Variants in CAND1 observed in about 807,000 individuals in gnomAD.
The protein encoded by CAND1 is cullin-associated NEDD8-dissociated protein 1.
A neutral mutation model predicts 108.5 loss-of-function variants in CAND1; 7 were observed. That is an observed-to-expected ratio of 0.06 (90% CI 0.04 to 0.12). CAND1 has a LOEUF of 0.12. CAND1 is among the 10% of genes least tolerant of loss of function. The pLI, the probability that CAND1 is intolerant of heterozygous loss-of-function variation, is 1.00. For missense variants in CAND1, 941 were observed against 1,448.7 expected, an observed-to-expected ratio of 0.65 and a Z score of 5.69; for synonymous variants, 534 against 512.0, an observed-to-expected ratio of 1.04 and a Z score of -0.58.
At chr12:67,307,895 C>T in intron 11 of CAND1, among the ~76,000 whole-genome samples, 1 of 151,626 alleles carries the variant, frequency 6.6e-6, no homozygotes. Flanking sequence ...ACTTCTAACA[C>T]CCAAGGAGAT....
chr12:67,275,935 T>G (rs1041050040), intron 1 of CAND1, among the ~76,000 whole-genome samples: 25 of 152,332 alleles, frequency 1.6e-4, no homozygotes, highest in African/African-American at 5.8e-4. Context: ...AACATTTATC[T>G]TTTTCTTTTC....
chr12:67,292,531 C>G (rs1328095980), intron 2 of CAND1, 91 bp from the exon 3 acceptor site: 1 of 832,634 alleles, frequency 1.2e-6, no homozygotes, highest in Non-Finnish European at 1.8e-6. Flanking sequence ...CTTGAAAGTT[C>G]TAGGCGGAAA....
chr12:67,277,455 A>T (rs933863121), intron 1 of CAND1, among the ~76,000 whole-genome samples: 2 of 152,224 alleles, frequency 1.3e-5, no homozygotes, highest in African/African-American at 4.8e-5. Flanking sequence ...GGCACATTAT[A>T]GCCTTCTTGC....
chr12:67,293,570 A>G (rs1592613924), intron 3 of CAND1, among the ~76,000 whole-genome samples: 1 of 152,118 alleles, frequency 6.6e-6, no homozygotes, highest in Non-Finnish European at 1.5e-5. Flanking sequence ...CCTGACCAAC[A>G]TGGAGAAACC....
chr12:67,302,384 G>T lies in CAND1; in HGVS notation c.1062G>T (p.Ala354=). 6.2e-7 allele frequency: 1 copy of T among 1,614,070 alleles called. No individual in the cohort carries two copies. Among genetic ancestry groups the T allele is most frequent in the Non-Finnish European group, 8.5e-7 (1 of 1,179,960 alleles). Residue 354 remains alanine (A), a synonymous_variant, in exon 8 of 15, where the codon GCG becomes GCT. Coordinates refer to ENST00000545606, the MANE Select transcript of CAND1 (RefSeq NM_018448.5). ...GTTGGAAAGTGAGACGTGCAGCTGC[G>T]AAGTGCTTGGATGCTGTAGTTAGCA... ...DMSWKVRRAA[A]KCLDAVVSTR...
At position 67,312,958 on chromosome 12, in the gene CAND1, A is replaced by T. The variant is rs2044968611; in HGVS notation, c.*128A>T. On this transcript the variant is annotated 3_prime_UTR_variant, in exon 15 of 15. Transcript: ENST00000545606. ...TGTTCCACTTTTTTTTCCTTCATGGAGACTGTTTGTTTGGCTTTCTTCCAT... is the reference window on the plus strand; with the variant it reads ...TGTTCCACTTTTTTTTCCTTCATGGTGACTGTTTGTTTGGCTTTCTTCCAT... 5.3e-6 allele frequency: 3 copies of T among 562,466 alleles called. No homozygotes were observed. 34.8% of individuals were successfully genotyped at this position (562,466 alleles called of 1,614,324 possible). A position where few individuals can be genotyped will look rare whatever the true frequency, so the allele number is the denominator to read the frequency against.
At chr12:67,281,602 A>G (rs1357853792) in intron 1 of CAND1, among the ~76,000 whole-genome samples, 1 of 152,216 alleles carries the variant, frequency 6.6e-6, no homozygotes, top group African/African-American at 2.4e-5. Context: ...AGGTCCTGGT[A>G]GTCAATTTGA....
At chr12:67,273,652 T>C (rs959289225) in intron 1 of CAND1, among the ~76,000 whole-genome samples, 4 of 151,794 alleles carry the variant, frequency 2.6e-5, no homozygotes, top group African/African-American at 9.7e-5. Context: ...CTCAGCTAAT[T>C]TTTTTTATAG....
Position 67,298,316 on chromosome 12 carries a change from G to A in CAND1, c.854+463G>A, listed in dbSNP as rs2044789352. ...AAGTTGTGTATTTGTGTACTAGAAGGCAATACAAGATAAGTAACATTATTT... is the reference window on the plus strand; with the variant it reads ...AAGTTGTGTATTTGTGTACTAGAAGACAATACAAGATAAGTAACATTATTT... On this transcript the variant is annotated intron_variant, in intron 6 of 14. Coordinates refer to ENST00000545606, the MANE Select transcript of CAND1 (RefSeq NM_018448.5). Among the ~76,000 whole-genome samples, 2 of 152,024 alleles carry A rather than the reference G, an allele frequency of 1.3e-5. 1 individual carries two copies. The highest frequency in any genetic ancestry group is 1.3e-4 in the Admixed American group (2 of 15,266).
chr12:67,308,040 A>G (rs915135715), intron 11 of CAND1, among the ~76,000 whole-genome samples: 1 of 152,026 alleles, frequency 6.6e-6, no homozygotes, highest in Admixed American at 6.6e-5. Context: ...TGAAGACAAG[A>G]ATTAGCTTTT....
At position 67,310,230 on chromosome 12, in the gene CAND1, C is replaced by T. The variant is rs2044934717; in HGVS notation, c.3274C>T (p.Leu1092Phe). ...RKAAFECMYT[L>F]LDSCLDRLDI... ...GGCAGCATTTGAGTGTATGTACACACTTCTAGACAGTTGTCTTGATAGACT... is the reference window on the plus strand; with the variant it reads ...GGCAGCATTTGAGTGTATGTACACATTTCTAGACAGTTGTCTTGATAGACT... The change falls in exon 13 of 15, where the codon CTT becomes TTT. Residue 1092 changes from leucine (L) to phenylalanine (F), a missense_variant. By Grantham distance (22) the Leu-to-Phe change is conservative (BLOSUM62 0). Coordinates refer to ENST00000545606, the MANE Select transcript of CAND1 (RefSeq NM_018448.5). The T allele has an allele frequency of 6.2e-7, 1 of 1,611,326 alleles. No individual in the cohort carries two copies. The highest frequency in any genetic ancestry group is 1.3e-5 in the African/African-American group (1 of 74,836).
intron 3 of CAND1, among the ~76,000 whole-genome samples, chr12:67,294,105 A>G (rs1362417920): frequency 6.6e-6 from 1 of 152,152 alleles, no homozygotes; most frequent in African/African-American, 2.4e-5. Context: ...CCAACTCAGA[A>G]GTATGTTATT....
rs1296255485 is a variant in CAND1, at chr12:67,313,431, T to G, written c.*601T>G. On this transcript the variant is annotated 3_prime_UTR_variant, in exon 15 of 15. Coordinates refer to ENST00000545606, the MANE Select transcript of CAND1 (RefSeq NM_018448.5). ...GTTGCGCACACTAATTTTGCATGAG[T>G]AAGTTTACAAATATGTATCGTCTGT... 1 of 152,548 alleles carries G rather than the reference T, an allele frequency of 6.6e-6. No homozygotes were observed. The highest frequency in any genetic ancestry group is 1.5e-5 in the Non-Finnish European group (1 of 68,000). 9.4% of individuals were successfully genotyped at this position (152,548 alleles called of 1,614,324 possible).
intron 1 of CAND1, among the ~76,000 whole-genome samples, chr12:67,276,031 C>T (rs1401933178): frequency 6.6e-6 from 1 of 152,082 alleles, no homozygotes; most frequent in African/African-American, 2.4e-5. Flanking sequence ...TTGATATCAC[C>T]CTTCTCCCGT....
chr12:67,292,175 T>C (rs1047257129), intron 2 of CAND1, among the ~76,000 whole-genome samples: 5 of 152,054 alleles, frequency 3.3e-5, no homozygotes, highest in African/African-American at 7.2e-5. Flanking sequence ...CCTTACCTTA[T>C]TATTAAAAAG....
At chr12:67,302,144 T>G (rs1410492048) in intron 7 of CAND1, among the ~76,000 whole-genome samples, 179 bp from the exon 8 acceptor site, 1 of 152,232 alleles carries the variant, frequency 6.6e-6, no homozygotes, top group Non-Finnish European at 1.5e-5. Context: ...ATGTGCAGAT[T>G]TACAGAAATA....
chr12:67,275,633 G>A (rs1490876753), intron 1 of CAND1, among the ~76,000 whole-genome samples: 1 of 152,166 alleles, frequency 6.6e-6, no homozygotes, highest in Non-Finnish European at 1.5e-5. Flanking sequence ...AAAGGTAATT[G>A]GTGTACTGAG....
chr12:67,303,033 G>A (rs12366976), intron 8 of CAND1, among the ~76,000 whole-genome samples: 3 of 152,180 alleles, frequency 2.0e-5, no homozygotes, highest in Non-Finnish European at 4.4e-5. Context: ...CTGTGGTTGT[G>A]AGAGCTGGGT....
At chr12:67,283,363 C>T (rs2044637861) in intron 2 of CAND1, among the ~76,000 whole-genome samples, 1 of 152,076 alleles carries the variant, frequency 6.6e-6, no homozygotes, top group African/African-American at 2.4e-5. Flanking sequence ...GCAGGTGGAT[C>T]ACCTGAGGTC....
Sources: allele counts gnomAD v4.1 joint callset (sites outside exome capture counted in the v4.1 genomes callset), GRCh38; gene constraint gnomAD v4.1.1; transcripts MANE v1.5; gene names NCBI Gene and HGNC (gene_info 2026-07-23, HGNC 2026-07-21).